Variants in MATN2 observed in about 807,000 individuals in gnomAD.
MATN2 encodes matrilin-2.
In MATN2, 69 loss-of-function variants were observed where a neutral mutation model predicts 103.2. That is an observed-to-expected ratio of 0.67 (90% CI 0.55 to 0.82). MATN2 has a LOEUF of 0.82. Among genes scored for constraint, MATN2 ranks in the 40% least tolerant of loss-of-function variants. The pLI is 0.00. For synonymous variants in MATN2, 429 were observed against 450.2 expected (o/e 0.95, Z 0.60); for missense variants, 1,023 against 1,211.5 (o/e 0.84, Z 2.31).
At chr8:98,017,724 T>C (rs1813414264) in intron 11 of MATN2, among the ~76,000 whole-genome samples, 2 of 152,264 alleles carry the variant, frequency 1.3e-5, no homozygotes, top group Non-Finnish European at 1.5e-5. Context: ...TCAGAAACTA[T>C]GTCTACAGAA....
chr8:97,943,481 T>C (rs1250830457), intron 4 of MATN2, among the ~76,000 whole-genome samples: 1 of 151,930 alleles, frequency 6.6e-6, no homozygotes, highest in Non-Finnish European at 1.5e-5. Context: ...CTTCTTTTCC[T>C]TTGTTTTTTT....
chr8:97,933,424 T>C (rs186137094), intron 3 of MATN2, among the ~76,000 whole-genome samples: 129 of 152,316 alleles, frequency 8.5e-4, no homozygotes, highest in Admixed American at 3.0e-3. Flanking sequence ...TGGAAAATTT[T>C]AATGGAGGGG....
chr8:97,994,787 T>C (rs1439793969), intron 7 of MATN2, among the ~76,000 whole-genome samples, 185 bp downstream of exon 7: 1 of 152,172 alleles, frequency 6.6e-6, no homozygotes, highest in Non-Finnish European at 1.5e-5. Context: ...TTTTAAATAT[T>C]GAATAGGTCT....
Position 97,967,160 on chromosome 8 carries a change from G to T in MATN2, c.958+5630G>T, listed in dbSNP as rs1044838712. ...TGATAACACTAAGCCATTAATGAGA[G>T]ATCCACAGCTATGATCCAATACCTC... On this transcript the variant is annotated intron_variant, in intron 5 of 18. Coordinates refer to ENST00000254898, the MANE Select transcript of MATN2 (RefSeq NM_002380.5). 3.5e-4 allele frequency among the ~76,000 whole-genome samples: 53 copies of T among 152,178 alleles called. 1 individual carries two copies. Among genetic ancestry groups the T allele is most frequent in the African/African-American group, 1.2e-3 (51 of 41,512 alleles).
At position 97,982,853 on chromosome 8, in the gene MATN2, A is replaced by T. The variant is rs1812070924; in HGVS notation, c.1081+3845A>T. Among the ~76,000 whole-genome samples, 1 of 152,162 alleles carries T rather than the reference A, an allele frequency of 6.6e-6. No individual in the cohort carries two copies. Among genetic ancestry groups the T allele is most frequent in the African/African-American group, 2.4e-5 (1 of 41,420 alleles). ...TACATAATAGAAAATTTACCACTGT[A>T]CTCATTCAGTGGCATTAAATACACT... On this transcript the variant is annotated intron_variant, in intron 6 of 18. Transcript: ENST00000254898. This position sits in a 1 kb window ranked among gnomAD's most constrained non-coding sequence, Gnocchi z 4.3.
intron 10 of MATN2, among the ~76,000 whole-genome samples, chr8:98,010,374 T>C (rs1305064161): frequency 6.6e-6 from 1 of 152,188 alleles, no homozygotes; most frequent in Non-Finnish European, 1.5e-5. Context: ...GAAAGAGTAC[T>C]GAACTGGAAG....
Position 97,888,260 on chromosome 8 carries a change from C to A in MATN2, c.142+18C>A, listed in dbSNP as rs764838730. On this transcript the variant is annotated intron_variant, in intron 2 of 18. Transcript: ENST00000254898. The stretch of plus-strand genomic sequence containing the variant: ...CCTTCTGGGTGAGTGGTGGTGCTCA[C>A]CCCCAAAAGTGGGCAGGTGGGGGTG... 6.6e-7 allele frequency: 1 copy of A among 1,516,910 alleles called. No homozygotes were observed. The highest frequency in any genetic ancestry group is 1.3e-5 in the South Asian group (1 of 78,066). The allele number at this position is 1,516,910 out of a possible 1,614,324, so 94.0% of individuals were successfully genotyped here.
chr8:97,911,182 G>A (rs1482970660), intron 2 of MATN2, among the ~76,000 whole-genome samples: 1 of 111,668 alleles, frequency 9.0e-6, no homozygotes. Context: ...CGGTAGAGAC[G>A]GGGTCTCACC....
At chr8:97,879,747 G>A (rs1818194252) in intron 1 of MATN2, among the ~76,000 whole-genome samples, 1 of 152,216 alleles carries the variant, frequency 6.6e-6, no homozygotes, top group South Asian at 2.1e-4. Context: ...TGTCTGGACA[G>A]GCTGAATTGG....
chr8:98,031,735 T>A (rs1814027704), intron 15 of MATN2: 1 of 152,488 alleles, frequency 6.6e-6, no homozygotes, highest in South Asian at 2.1e-4. Context: ...AGATAGCAGT[T>A]CTGCCTATTT....
chr8:97,891,495 G>A (rs568653938), intron 2 of MATN2, among the ~76,000 whole-genome samples: 2 of 151,930 alleles, frequency 1.3e-5, no homozygotes, highest in South Asian at 2.1e-4. Flanking sequence ...ATGACACTAC[G>A]CCTGGCTAAT....
At chr8:97,937,002 G>T (rs994225932) in intron 3 of MATN2, among the ~76,000 whole-genome samples, 4 of 152,184 alleles carry the variant, frequency 2.6e-5, no homozygotes, top group African/African-American at 9.7e-5. Flanking sequence ...TGGCAGTTGT[G>T]AGAGTCCTGC....
chr8:97,994,384 T>C, intron 6 of MATN2, 96 bp from the exon 7 acceptor site: 1 of 1,372,590 alleles, frequency 7.3e-7, no homozygotes, highest in South Asian at 1.4e-5. Flanking sequence ...TGTGGGATTT[T>C]ACCTGTTTGG....
chr8:97,875,604 A>G (rs1323479013), intron 1 of MATN2, among the ~76,000 whole-genome samples: 2 of 150,772 alleles, frequency 1.3e-5, no homozygotes, highest in Admixed American at 1.3e-4. Context: ...TTTACCTTCT[A>G]TCACCATAGG....
chr8:98,026,826 G>A (rs920508719), intron 13 of MATN2, among the ~76,000 whole-genome samples: 20 of 152,188 alleles, frequency 1.3e-4, no homozygotes, highest in Non-Finnish European at 1.5e-5. Flanking sequence ...CTTGGTGTTA[G>A]GGATTGTGTC....
intron 2 of MATN2, among the ~76,000 whole-genome samples, chr8:97,916,689 C>T (rs932443355): frequency 6.6e-6 from 1 of 152,086 alleles, no homozygotes; most frequent in Non-Finnish European, 1.5e-5. Flanking sequence ...TAGCAAACTC[C>T]GAGAGAGGAC....
rs150660776 is a variant in MATN2 at position 97,872,156 on chromosome 8, T to C, written c.-27+2869T>C. Among the ~76,000 whole-genome samples the C allele has an allele frequency of 1.0e-3, 156 of 152,356 alleles. 1 individual carries two copies. In the Middle Eastern group the frequency reaches 0.02, roughly 20 times the overall value. On this transcript the variant is annotated intron_variant, in intron 1 of 18. Transcript: ENST00000254898. ...CATCTGTCAAATGGGCGTGATACTA[T>C]GTCATAGGGTTGTTGTAAGGGTTAA...
chr8:97,978,762 C>G (rs549090192), intron 5 of MATN2, 124 bp from the exon 6 acceptor site: 4 of 936,268 alleles, frequency 4.3e-6, no homozygotes, highest in Non-Finnish European at 6.7e-6. Flanking sequence ...AACTGTTTAT[C>G]CTACTCTTTT....
At chr8:97,959,369 CTAAA>C (rs1368072465) in intron 4 of MATN2, among the ~76,000 whole-genome samples, 2 of 152,116 alleles carry the variant, frequency 1.3e-5, no homozygotes, top group African/African-American at 4.8e-5. Context: ...TATTTATTGA[CTAAA>C]TGAATGAATA....
Sources: allele counts gnomAD v4.1 joint callset (sites outside exome capture counted in the v4.1 genomes callset), GRCh38; gene constraint gnomAD v4.1.1; non-coding constraint Gnocchi (gnomAD v3.1); transcripts MANE v1.5; gene names NCBI Gene and HGNC (gene_info 2026-07-23, HGNC 2026-07-21).